The following PCDH11X variants were observed in gnomAD, a reference collection of about 807,000 sequenced individuals.
PCDH11X encodes protocadherin-11 X-linked.
In PCDH11X, 18 loss-of-function variants were observed where a neutral mutation model predicts 53.3. That is an observed-to-expected ratio of 0.34 (90% CI 0.23 to 0.50). The LOEUF (loss-of-function observed/expected upper bound fraction) is 0.50. PCDH11X is among the 20% of genes least tolerant of loss of function. PCDH11X has a pLI of 0.98. For missense variants in PCDH11X, 570 were observed against 1,032.4 expected, an observed-to-expected ratio of 0.55 and a Z score of 6.14; for synonymous variants, 279 against 393.3, an observed-to-expected ratio of 0.71 and a Z score of 3.44.
At chrX:92,536,818 A>G (rs2074669041) in intron 10 of PCDH11X, among the ~76,000 whole-genome samples, 1 of 109,566 alleles carries the variant, frequency 9.1e-6, no homozygotes, top group Admixed American at 9.8e-5. Flanking sequence ...CCACAATGCT[A>G]GGATAAATTT....
intron 6 of PCDH11X, among the ~76,000 whole-genome samples, chrX:91,974,809 A>G (rs1263668417): frequency 9.2e-6 from 1 of 108,984 alleles, no homozygotes; most frequent in Non-Finnish European, 1.9e-5. Context: ...CTGGAGTGCA[A>G]TGGCCCGATC....
At chrX:92,311,722 T>C (rs2068954937) in intron 8 of PCDH11X, among the ~76,000 whole-genome samples, 1 of 111,142 alleles carries the variant, frequency 9.0e-6, no homozygotes, top group Non-Finnish European at 1.9e-5. Flanking sequence ...CTTCATGTAC[T>C]CCAGAAAGTA....
intron 9 of PCDH11X, among the ~76,000 whole-genome samples, chrX:92,443,393 A>T (rs2072558944): frequency 9.0e-6 from 1 of 111,172 alleles, no homozygotes; most frequent in Non-Finnish European, 1.9e-5. Context: ...TAGATTCTTG[A>T]TATTAGTCCT....
At chrX:91,792,175 T>C (rs1197769525) in intron 1 of PCDH11X, among the ~76,000 whole-genome samples, 2 of 110,652 alleles carry the variant, frequency 1.8e-5, no homozygotes, top group Admixed American at 9.6e-5. Context: ...TGAGAAACAA[T>C]TGAGTTAATT....
At chrX:92,304,879 G>A (rs2068793634) in intron 8 of PCDH11X, among the ~76,000 whole-genome samples, 1 of 111,950 alleles carries the variant, frequency 8.9e-6, no homozygotes, top group Non-Finnish European at 1.9e-5. Flanking sequence ...ATGAAAATAT[G>A]ATGATATTGA....
chrX:92,152,757 A>G (rs1357150434), intron 6 of PCDH11X, among the ~76,000 whole-genome samples: 2 of 29,340 alleles, frequency 6.8e-5, no homozygotes, highest in Non-Finnish European at 1.3e-4. Flanking sequence ...TATTTTATGT[A>G]TGTATGTATG....
At chrX:92,518,907 A>G (rs887770810) in intron 10 of PCDH11X, among the ~76,000 whole-genome samples, 2 of 108,175 alleles carry the variant, frequency 1.8e-5, no homozygotes, top group East Asian at 2.9e-4. Context: ...CAAGTGCCCG[A>G]CACCACACCC....
At chrX:92,077,025 T>A (rs2063783091) in intron 6 of PCDH11X, among the ~76,000 whole-genome samples, 1 of 111,900 alleles carries the variant, frequency 8.9e-6, no homozygotes, top group Non-Finnish European at 1.9e-5. Flanking sequence ...TTGCCTTTCA[T>A]TACTTTTGTT....
At chrX:92,409,407 CT>C (rs978404219) in intron 9 of PCDH11X, among the ~76,000 whole-genome samples, 9 of 111,992 alleles carry the variant, frequency 8.0e-5, no homozygotes, top group Non-Finnish European at 1.5e-4. Flanking sequence ...ATTCCCCTCT[CT>C]TAATTGCTTT....
intron 9 of PCDH11X, among the ~76,000 whole-genome samples, chrX:92,403,334 T>TTTG (rs1348286622): frequency 1.3e-5 from 1 of 75,942 alleles, no homozygotes; most frequent in African/African-American, 6.5e-5. Context: ...TTTACGTTTT[T>TTTG]TTTTGTTTTT....
intron 6 of PCDH11X, among the ~76,000 whole-genome samples, chrX:92,151,061 T>G (rs1264209029): frequency 9.0e-6 from 1 of 110,823 alleles, no homozygotes; most frequent in Non-Finnish European, 1.9e-5. Flanking sequence ...TTCTTCCTAG[T>G]ATCAAGGGGA....
At position 92,545,311 on chromosome X, in the gene PCDH11X, G is replaced by A. The variant is rs2074827438; in HGVS notation, c.3368-72953G>A. Among the ~76,000 whole-genome samples, 4 of 107,882 alleles carry A rather than the reference G, an allele frequency of 3.7e-5. No individual in the cohort carries two copies. In the South Asian group the frequency reaches 1.2e-3, roughly 34 times the overall value. 93.7% of individuals were successfully genotyped at this position (107,882 alleles called of 115,157 possible). The stretch of plus-strand genomic sequence containing the variant: ...AGACCAGTAAGAACTTACTACATAA[G>A]AGACATGTAGTCTATCAAATAAGGA... On this transcript the variant is annotated intron_variant, in intron 10 of 10. Coordinates refer to ENST00000682573, the MANE Select transcript of PCDH11X (RefSeq NM_032968.5).
At chrX:92,259,628 A>T (rs1033677030) in intron 7 of PCDH11X, among the ~76,000 whole-genome samples, 2 of 111,615 alleles carry the variant, frequency 1.8e-5, no homozygotes, top group African/African-American at 6.5e-5. Flanking sequence ...ATTACAATTC[A>T]TCATGAGATT....
chrX:92,335,532 A>G (rs1490060239), intron 8 of PCDH11X, among the ~76,000 whole-genome samples: 2 of 109,888 alleles, frequency 1.8e-5, no homozygotes, highest in Non-Finnish European at 3.8e-5. Context: ...ATGTTTTCCA[A>G]TCCATTGTTG....
intron 7 of PCDH11X, among the ~76,000 whole-genome samples, chrX:92,224,718 G>A (rs2066939159): frequency 8.9e-6 from 1 of 112,020 alleles, no homozygotes; most frequent in Non-Finnish European, 1.9e-5. Context: ...CCCAATTCTC[G>A]AATGATTCAT....
intron 6 of PCDH11X, among the ~76,000 whole-genome samples, chrX:92,150,019 G>T (rs2065405706): frequency 9.0e-6 from 1 of 111,675 alleles, no homozygotes; most frequent in African/African-American, 3.3e-5. Context: ...CATTTGTGTT[G>T]TTTCCTTTTT....
chrX:92,508,591 T>A, intron 10 of PCDH11X, among the ~76,000 whole-genome samples: 1 of 110,961 alleles, frequency 9.0e-6, no homozygotes, highest in Admixed American at 9.7e-5. Flanking sequence ...ATTGATATTT[T>A]AAAAATGATA....
intron 6 of PCDH11X, among the ~76,000 whole-genome samples, chrX:92,142,678 C>T (rs1289950470): frequency 9.1e-6 from 1 of 109,645 alleles, no homozygotes; most frequent in Non-Finnish European, 1.9e-5. Context: ...ACCCACACAC[C>T]CATTCAAAGT....
At chrX:92,301,646 T>TTTTTGTTTTGTTTTG (rs200383063) in intron 8 of PCDH11X, among the ~76,000 whole-genome samples, 16 of 105,323 alleles carry the variant, frequency 1.5e-4, no homozygotes, top group African/African-American at 5.5e-4. Flanking sequence ...ACTTTTTTGT[T>TTTTTGTTTTGTTTTG]TTTTGTTTTG....
Sources: allele counts gnomAD v4.1 joint callset (sites outside exome capture counted in the v4.1 genomes callset), GRCh38; gene constraint gnomAD v4.1.1; transcripts MANE v1.5; gene names NCBI Gene and HGNC (gene_info 2026-07-23, HGNC 2026-07-21).